Variants in NHSL1 observed in about 807,000 individuals in gnomAD.
NHSL1 encodes NHS like 1.
In NHSL1, 48 loss-of-function variants were observed where a neutral mutation model predicts 95.0. That is an observed-to-expected ratio of 0.51 (90% CI 0.40 to 0.64). The LOEUF (loss-of-function observed/expected upper bound fraction) is 0.64. Ranked by LOEUF, NHSL1 falls within the 30% of genes least tolerant of loss-of-function variation. NHSL1 has a pLI of 0.00. For synonymous variants in NHSL1, 783 were observed against 833.9 expected, an observed-to-expected ratio of 0.94 and a Z score of 1.05; for missense variants, 1,971 against 2,077.7, an observed-to-expected ratio of 0.95 and a Z score of 1.00.
chr6:138,637,792 AC>A (rs1048325642), intron 1 of NHSL1, among the ~76,000 whole-genome samples: 2 of 152,222 alleles, frequency 1.3e-5, no homozygotes, highest in Non-Finnish European at 2.9e-5. Context: ...GTAAATTAGT[AC>A]AACCACTATG....
chr6:138,644,540 T>C (rs934270474), intron 1 of NHSL1, among the ~76,000 whole-genome samples: 9 of 152,132 alleles, frequency 5.9e-5, no homozygotes, highest in African/African-American at 2.2e-4. Flanking sequence ...AAGTATCACA[T>C]AGTTGAAAAA....
intron 1 of NHSL1, among the ~76,000 whole-genome samples, chr6:138,535,262 A>C (rs1478288399): frequency 6.6e-6 from 1 of 152,160 alleles, no homozygotes; most frequent in African/African-American, 2.4e-5. Flanking sequence ...ATGTAGGAAT[A>C]AGAAAAAAAA....
chr6:138,435,719 T>TTTG (rs1776044297), intron 5 of NHSL1, among the ~76,000 whole-genome samples: 1 of 151,968 alleles, frequency 6.6e-6, no homozygotes, highest in African/African-American at 2.4e-5. Context: ...GGGGTTTTTT[T>TTTG]TTTTGTTTTT....
chr6:138,555,289 G>A (rs1329118291), intron 1 of NHSL1, among the ~76,000 whole-genome samples: 1 of 152,158 alleles, frequency 6.6e-6, no homozygotes, highest in Non-Finnish European at 1.5e-5. Context: ...CATGGTAATG[G>A]CTGGGATTTC....
At chr6:138,477,931 T>C (rs1272731954) in intron 2 of NHSL1, among the ~76,000 whole-genome samples, 1 of 151,684 alleles carries the variant, frequency 6.6e-6, no homozygotes, top group African/African-American at 2.4e-5. Context: ...CCAGCAACTA[T>C]TAGTACTTCC....
intron 1 of NHSL1, among the ~76,000 whole-genome samples, chr6:138,587,210 C>G (rs1232758965): frequency 6.6e-6 from 1 of 151,316 alleles, no homozygotes; most frequent in Non-Finnish European, 1.5e-5. Context: ...TGATCTCAGG[C>G]GATCCGCCCA....
chr6:138,644,035 C>T (rs1028049005), intron 1 of NHSL1, among the ~76,000 whole-genome samples: 3 of 150,676 alleles, frequency 2.0e-5, no homozygotes, highest in Non-Finnish European at 1.5e-5. Flanking sequence ...AGCTCAAGTG[C>T]CTCTATCTTG....
chr6:138,500,841 T>C (rs746025681), upstream of NHSL1, among the ~76,000 whole-genome samples: 172 of 151,812 alleles, frequency 1.1e-3, 2 homozygotes, highest in Non-Finnish European at 1.6e-3. Flanking sequence ...AACGTTACCA[T>C]CTTATCATAC....
intron 2 of NHSL1, among the ~76,000 whole-genome samples, chr6:138,487,723 A>AGG (rs769720932): frequency 3.2e-4 from 49 of 152,244 alleles, no homozygotes; most frequent in Non-Finnish European, 6.9e-4. Flanking sequence ...AATATCCTGC[A>AGG]GCTTACCACT....
intron 1 of NHSL1, among the ~76,000 whole-genome samples, chr6:138,508,442 C>T (rs1411296847): frequency 6.6e-6 from 1 of 152,152 alleles, no homozygotes; most frequent in Non-Finnish European, 1.5e-5. Context: ...TCATAGGCCC[C>T]TAGAAAGTTA....
intron 1 of NHSL1, among the ~76,000 whole-genome samples, chr6:138,675,539 AT>A (rs1268606425): frequency 6.6e-6 from 1 of 150,810 alleles, no homozygotes; most frequent in Admixed American, 6.6e-5. Context: ...TTATTTATTT[AT>A]TTATTTATTT....
At chr6:138,649,933 T>C (rs1785067446) in intron 1 of NHSL1, among the ~76,000 whole-genome samples, 1 of 152,152 alleles carries the variant, frequency 6.6e-6, no homozygotes, top group Admixed American at 6.5e-5. Flanking sequence ...TCCAGCCCTC[T>C]GCACAAGACA....
intron 3 of NHSL1, among the ~76,000 whole-genome samples, chr6:138,465,920 T>G (rs545577494): frequency 6.0e-5 from 9 of 150,684 alleles, no homozygotes; most frequent in African/African-American, 2.2e-4. Flanking sequence ...GACGGGGTTT[T>G]ACCATGTTGT....
chr6:138,475,465 C>T (rs945573608), intron 2 of NHSL1, among the ~76,000 whole-genome samples: 18 of 152,024 alleles, frequency 1.2e-4, no homozygotes, highest in African/African-American at 3.9e-4. Context: ...TGGACTCAAG[C>T]GATCCTTCCA....
At chr6:138,450,408 A>T (rs1043398909) in intron 3 of NHSL1, among the ~76,000 whole-genome samples, 1 of 152,250 alleles carries the variant, frequency 6.6e-6, no homozygotes, top group Admixed American at 6.5e-5. Flanking sequence ...AGAAAGGTTT[A>T]AAAGAAAGAA....
At chr6:138,682,583 C>T (rs1230335741) in intron 1 of NHSL1, among the ~76,000 whole-genome samples, 1 of 152,092 alleles carries the variant, frequency 6.6e-6, no homozygotes, top group Non-Finnish European at 1.5e-5. Context: ...AAGGAAGGAC[C>T]CTGTGTAATC....
At chr6:138,615,149 G>A (rs1298270013) in intron 1 of NHSL1, among the ~76,000 whole-genome samples, 1 of 152,168 alleles carries the variant, frequency 6.6e-6, no homozygotes, top group Admixed American at 6.5e-5. Flanking sequence ...GGCTGCAGCA[G>A]GGCGTGAGCC....
intron 1 of NHSL1, among the ~76,000 whole-genome samples, chr6:138,587,503 C>CAAAAAA (rs35723995): frequency 1.7e-5 from 1 of 59,904 alleles, no homozygotes; most frequent in Non-Finnish European, 3.8e-5. Context: ...AAAACTCTGT[C>CAAAAAA]AAAAAAAAAA....
intron 1 of NHSL1, among the ~76,000 whole-genome samples, chr6:138,537,813 A>T (rs1243788557): frequency 6.6e-6 from 1 of 152,160 alleles, no homozygotes; most frequent in Non-Finnish European, 1.5e-5. Flanking sequence ...TCTTGGAGAA[A>T]GAACCGCCAA....
Sources: allele counts gnomAD v4.1 joint callset (sites outside exome capture counted in the v4.1 genomes callset), GRCh38; gene constraint gnomAD v4.1.1; transcripts MANE v1.5; gene names NCBI Gene and HGNC (gene_info 2026-07-23, HGNC 2026-07-21).